Variants in ATG7 observed in about 807,000 individuals in gnomAD.
ATG7 encodes autophagy related 7, also known as ubiquitin-like modifier-activating enzyme ATG7.
A neutral mutation model predicts 82.4 loss-of-function variants in ATG7; 70 were observed. The observed-to-expected ratio is 0.85, with a 90% CI of 0.70 to 1.04. The LOEUF (loss-of-function observed/expected upper bound fraction) is 1.04. Among genes scored for constraint, ATG7 ranks in the 50% least tolerant of loss-of-function variants. The pLI, the probability that ATG7 is intolerant of heterozygous loss-of-function variation, is 0.00. For synonymous variants in ATG7, 287 were observed against 313.0 expected, an observed-to-expected ratio of 0.92 and a Z score of 0.88; for missense variants, 792 against 864.3, an observed-to-expected ratio of 0.92 and a Z score of 1.05.
At chr3:11,405,536 G>A (rs2080244780) in intron 19 of ATG7, among the ~76,000 whole-genome samples, 1 of 152,126 alleles carries the variant, frequency 6.6e-6, no homozygotes, top group Non-Finnish European at 1.5e-5. Flanking sequence ...ATTGCTATGT[G>A]TCATCTTGTC....
chr3:11,469,262 C>T (rs954353982), intron 20 of ATG7, among the ~76,000 whole-genome samples: 7 of 152,154 alleles, frequency 4.6e-5, no homozygotes, highest in Admixed American at 3.3e-4. Flanking sequence ...CCAGCCTGAC[C>T]AACATGGAGA....
intron 20 of ATG7, among the ~76,000 whole-genome samples, chr3:11,551,171 G>T (rs117925206): frequency 6.6e-6 from 1 of 152,106 alleles, no homozygotes; most frequent in Admixed American, 6.5e-5. Context: ...CGTGTCCTGC[G>T]GGCCGTCTGA....
At chr3:11,425,789 G>T (rs1189186258) in intron 19 of ATG7, among the ~76,000 whole-genome samples, 1 of 151,948 alleles carries the variant, frequency 6.6e-6, no homozygotes, top group Non-Finnish European at 1.5e-5. Context: ...CCAGCACCTT[G>T]GAATGTCCCT....
chr3:11,305,785 A>G (rs776154226), intron 5 of ATG7, among the ~76,000 whole-genome samples: 5 of 152,220 alleles, frequency 3.3e-5, no homozygotes, highest in Admixed American at 2.0e-4. Flanking sequence ...TGACAGAGCC[A>G]TGTCATTCAT....
At chr3:11,313,238 A>T in intron 7 of ATG7, 66 bp from the exon 8 acceptor site, 1 of 1,054,206 alleles carries the variant, frequency 9.5e-7, no homozygotes, top group Middle Eastern at 2.5e-4. Flanking sequence ...AAGCTACATT[A>T]ATAGATGCAT....
chr3:11,542,381 G>A (rs915752699), intron 20 of ATG7, among the ~76,000 whole-genome samples: 19 of 152,252 alleles, frequency 1.2e-4, no homozygotes, highest in Admixed American at 2.6e-4. Context: ...GCCTGTCGCT[G>A]TGGGCTGGGA....
intron 20 of ATG7, among the ~76,000 whole-genome samples, chr3:11,507,242 A>G (rs2091782740): frequency 6.6e-6 from 1 of 152,236 alleles, no homozygotes; most frequent in African/African-American, 2.4e-5. Context: ...AGATCACACC[A>G]CTGCACTCCA....
At chr3:11,283,922 ACT>A (rs1185369455) in intron 3 of ATG7, among the ~76,000 whole-genome samples, 1 of 152,010 alleles carries the variant, frequency 6.6e-6, no homozygotes, top group Non-Finnish European at 1.5e-5. Flanking sequence ...ACAGAACGAG[ACT>A]CTGTCTCAAA....
intron 20 of ATG7, among the ~76,000 whole-genome samples, chr3:11,529,931 A>G (rs2092662077): frequency 6.6e-6 from 1 of 152,084 alleles, no homozygotes; most frequent in Admixed American, 6.6e-5. Context: ...CATCTGCACC[A>G]CCATCCTCTT....
rs150147341 is a variant in ATG7 at position 11,534,083 on chromosome 3, C to A, written c.2080-20728C>A. 5.6e-3 allele frequency among the ~76,000 whole-genome samples: 857 copies of A among 152,368 alleles called. 5 individuals carry two copies. The highest frequency in any genetic ancestry group is 0.037 in the Middle Eastern group (11 of 294). ...CCAGCAGAAAGCCTCCTCCTCCCCCCCCAGGGGAAAGCTGCCAGCCTATCC... is the reference window on the plus strand; with the variant it reads ...CCAGCAGAAAGCCTCCTCCTCCCCCACCAGGGGAAAGCTGCCAGCCTATCC... On this transcript the variant is annotated intron_variant, in intron 20 of 20. Transcript: ENST00000693202.
At chr3:11,289,306 C>T (rs1420090378) in intron 3 of ATG7, among the ~76,000 whole-genome samples, 1 of 152,198 alleles carries the variant, frequency 6.6e-6, no homozygotes, top group Non-Finnish European at 1.5e-5. Context: ...CCCAAATTCC[C>T]CTCCGACCAT....
chr3:11,289,447 G>T (rs1202666663), intron 3 of ATG7, among the ~76,000 whole-genome samples: 3 of 152,182 alleles, frequency 2.0e-5, no homozygotes, highest in African/African-American at 7.2e-5. Context: ...TCATGCTGAT[G>T]TTGCTTAAGA....
chr3:11,352,716 T>A (rs143804461), intron 14 of ATG7, among the ~76,000 whole-genome samples: 115 of 152,360 alleles, frequency 7.5e-4, no homozygotes, highest in South Asian at 1.7e-3. Flanking sequence ...ATTGAAATAC[T>A]AAATGCTAAA....
intron 20 of ATG7, among the ~76,000 whole-genome samples, chr3:11,494,768 A>G (rs2090677676): frequency 6.6e-6 from 1 of 152,278 alleles, no homozygotes; most frequent in East Asian, 1.9e-4. Flanking sequence ...GAGGGGACTC[A>G]TGCACTCTGT....
intron 6 of ATG7, 140 bp from the exon 7 acceptor site, chr3:11,308,844 C>G: frequency 2.6e-6 from 2 of 763,344 alleles, no homozygotes; most frequent in Non-Finnish European, 4.6e-6. Flanking sequence ...GAGGTAACAA[C>G]CCACTTCATT....
chr3:11,476,270 C>G (rs947684662), intron 20 of ATG7, among the ~76,000 whole-genome samples: 1 of 152,182 alleles, frequency 6.6e-6, no homozygotes, highest in Non-Finnish European at 1.5e-5. Flanking sequence ...AGCATTCATT[C>G]ACTCTAGCAA....
intron 20 of ATG7, among the ~76,000 whole-genome samples, chr3:11,482,584 T>C (rs2089132324): frequency 6.6e-6 from 1 of 152,138 alleles, no homozygotes; most frequent in Non-Finnish European, 1.5e-5. Context: ...TACTGAGAGC[T>C]AGAATTCCAT....
At chr3:11,376,924 A>G (rs1464271822) in intron 18 of ATG7, among the ~76,000 whole-genome samples, 1 of 152,112 alleles carries the variant, frequency 6.6e-6, no homozygotes, top group African/African-American at 2.4e-5. Flanking sequence ...TATTTTTAGT[A>G]GAGACGGGGT....
intron 19 of ATG7, among the ~76,000 whole-genome samples, chr3:11,391,509 G>T (rs941437947): frequency 6.6e-6 from 1 of 152,136 alleles, no homozygotes; most frequent in Non-Finnish European, 1.5e-5. Context: ...GCTGTTAGAG[G>T]CAGGGACAGA....
Sources: allele counts gnomAD v4.1 joint callset (sites outside exome capture counted in the v4.1 genomes callset), GRCh38; gene constraint gnomAD v4.1.1; transcripts MANE v1.5; gene names NCBI Gene and HGNC (gene_info 2026-07-23, HGNC 2026-07-21).